The following CEP128 variants were observed in gnomAD, a reference collection of about 807,000 sequenced individuals.
The protein encoded by CEP128 is centrosomal protein 128kDa.
A neutral mutation model predicts 156.7 loss-of-function variants in CEP128; 132 were observed. The ratio of observed to expected loss-of-function variants is 0.84; its 90% CI spans 0.73 to 0.97. CEP128 has a LOEUF of 0.97. CEP128 is among the 50% of genes least tolerant of loss of function. The pLI is 0.00. For missense variants in CEP128, 1,252 were observed against 1,281.9 expected, an observed-to-expected ratio of 0.98 and a Z score of 0.36; for synonymous variants, 469 against 448.9, an observed-to-expected ratio of 1.04 and a Z score of -0.57.
chr14:80,490,218 C>T (rs1887278739), downstream of CEP128, among the ~76,000 whole-genome samples: 1 of 151,852 alleles, frequency 6.6e-6, no homozygotes. Flanking sequence ...AGAAAAAATC[C>T]CTGATCTCGA....
intron 19 of CEP128, among the ~76,000 whole-genome samples, chr14:80,724,034 TTAA>T (rs1404199020): frequency 6.6e-6 from 1 of 152,194 alleles, no homozygotes; most frequent in Non-Finnish European, 1.5e-5. Flanking sequence ...TTATCCTCAT[TTAA>T]TAATTGAGTA....
At chr14:80,660,476 T>G (rs778956681) in intron 19 of CEP128, among the ~76,000 whole-genome samples, 7 of 152,194 alleles carry the variant, frequency 4.6e-5, no homozygotes, top group Admixed American at 2.0e-4. Flanking sequence ...TATCAGATCT[T>G]ACAACTGCAG....
chr14:80,528,771 C>A (rs1889095717), intron 22 of CEP128, among the ~76,000 whole-genome samples: 1 of 152,126 alleles, frequency 6.6e-6, no homozygotes, highest in Non-Finnish European at 1.5e-5. Flanking sequence ...GGACATATCT[C>A]CTGAGGCATT....
chr14:80,671,946 A>T (rs1324558945), intron 19 of CEP128, among the ~76,000 whole-genome samples: 1 of 152,176 alleles, frequency 6.6e-6, no homozygotes, highest in African/African-American at 2.4e-5. Context: ...ATCCTCACAT[A>T]TCAAAACTGA....
At chr14:80,879,989 G>A (rs1264034266) in intron 8 of CEP128, among the ~76,000 whole-genome samples, 1 of 152,134 alleles carries the variant, frequency 6.6e-6, no homozygotes, top group Non-Finnish European at 1.5e-5. Flanking sequence ...TTTTATGAAG[G>A]ATTATCACTT....
At chr14:80,502,395 T>C (rs1271665191) in intron 24 of CEP128, among the ~76,000 whole-genome samples, 1 of 152,206 alleles carries the variant, frequency 6.6e-6, no homozygotes, top group Non-Finnish European at 1.5e-5. Context: ...TGGGTGGGCC[T>C]GGCCACTCCT....
chr14:80,541,466 C>A (rs56210939), intron 21 of CEP128, among the ~76,000 whole-genome samples: 23,084 of 106,118 alleles, frequency 0.22, 2,136 homozygotes, highest in East Asian at 0.4. Context: ...AAAAAAAAAA[C>A]CAGGAAAAAA....
chr14:80,955,278 G>A (rs1012277994), intron 2 of CEP128: 6 of 358,844 alleles, frequency 1.7e-5, no homozygotes, highest in Non-Finnish European at 2.6e-5. Context: ...TGGCTCCTTG[G>A]ATTTAAAGAG....
intron 19 of CEP128, among the ~76,000 whole-genome samples, chr14:80,666,581 T>C (rs1339689228): frequency 6.6e-6 from 1 of 152,118 alleles, no homozygotes; most frequent in East Asian, 1.9e-4. Context: ...AAAAACACCA[T>C]CACTCATTCA....
At chr14:80,824,291 C>T (rs528651404) in intron 13 of CEP128, among the ~76,000 whole-genome samples, 4 of 152,304 alleles carry the variant, frequency 2.6e-5, no homozygotes, top group Non-Finnish European at 5.9e-5. Flanking sequence ...TCTGACATGC[C>T]CTGGAGACAT....
chr14:80,718,534 G>A (rs1034287567), intron 19 of CEP128, among the ~76,000 whole-genome samples: 10 of 152,158 alleles, frequency 6.6e-5, no homozygotes, highest in East Asian at 1.9e-4. Context: ...TTCAGAAACC[G>A]AAAGGACAGT....
chr14:80,856,254 GA>G (rs1214907774), intron 9 of CEP128, among the ~76,000 whole-genome samples: 1 of 151,980 alleles, frequency 6.6e-6, no homozygotes, highest in Non-Finnish European at 1.5e-5. Flanking sequence ...ACTTCCCCAT[GA>G]AACAAATTTT....
At chr14:80,534,768 T>C (rs1407449213) in intron 21 of CEP128, among the ~76,000 whole-genome samples, 2 of 132,614 alleles carry the variant, frequency 1.5e-5, no homozygotes, top group Non-Finnish European at 3.0e-5. Context: ...CAGCTTGCAG[T>C]GAGCCCAGAT....
At chr14:80,621,233 A>C (rs1381684711) in intron 19 of CEP128, among the ~76,000 whole-genome samples, 3 of 152,208 alleles carry the variant, frequency 2.0e-5, no homozygotes, top group Non-Finnish European at 4.4e-5. Flanking sequence ...AGAAAAGCTT[A>C]GTTAGTTGGA....
chr14:80,516,940 TAG>T (rs1405731466), intron 23 of CEP128, among the ~76,000 whole-genome samples: 1 of 152,202 alleles, frequency 6.6e-6, no homozygotes, highest in Non-Finnish European at 1.5e-5. Flanking sequence ...TTGATTCATA[TAG>T]GAGTGCTTTT....
chr14:80,852,074 T>TTA (rs1886919854), intron 9 of CEP128, among the ~76,000 whole-genome samples: 1 of 151,986 alleles, frequency 6.6e-6, no homozygotes. Context: ...CCTATTAAAT[T>TTA]TATATATGTG....
At chr14:80,927,195 A>G (rs1317637243) in intron 2 of CEP128, among the ~76,000 whole-genome samples, 1 of 152,222 alleles carries the variant, frequency 6.6e-6, no homozygotes, top group African/African-American at 2.4e-5. Flanking sequence ...ACCCCGTCGG[A>G]CAAAAGAAAC....
chr14:80,894,644 G>T, intron 8 of CEP128: 1 of 464,718 alleles, frequency 2.2e-6, no homozygotes, highest in South Asian at 1.6e-5. Context: ...GACAGGCATT[G>T]TATCTTCACC....
chr14:80,914,274 T>C, intron 4 of CEP128, 48 bp downstream of exon 4: 1 of 1,408,352 alleles, frequency 7.1e-7, no homozygotes, highest in Non-Finnish European at 1.0e-6. Context: ...AACACTTCAT[T>C]CCCAAAAAGG....
Sources: gnomAD v4.1 joint callset for allele counts (sites outside exome capture counted in the v4.1 genomes callset) on GRCh38, gnomAD v4.1.1 for gene constraint, MANE v1.5 for transcripts, NCBI Gene and HGNC (gene_info 2026-07-23, HGNC 2026-07-21) for gene names.